The following PLPP1 variants were observed in gnomAD, a reference collection of about 807,000 sequenced individuals.
PLPP1 encodes phospholipid phosphatase 1.
A neutral mutation model predicts 31.2 loss-of-function variants in PLPP1; 24 were observed. The ratio of observed to expected loss-of-function variants is 0.77; its 90% CI spans 0.56 to 1.08. PLPP1 has a LOEUF of 1.08. Among genes scored for constraint, PLPP1 ranks in the 50% least tolerant of loss-of-function variants. The pLI is 0.00. For synonymous variants in PLPP1, 146 were observed against 126.3 expected (o/e 1.16, Z -1.05); for missense variants, 319 against 342.7 (o/e 0.93, Z 0.55).
intron 2 of PLPP1, 144 bp from the exon 3 acceptor site, chr5:55,468,293 T>C (rs1579944686): frequency 7.1e-6 from 5 of 701,966 alleles, no homozygotes; most frequent in Admixed American, 3.2e-5. Context: ...TTCTTTACAA[T>C]GGAGAGTCAA....
intron 1 of PLPP1, 60 bp from the exon 2 acceptor site, chr5:55,475,510 G>C: frequency 7.3e-6 from 10 of 1,370,574 alleles, no homozygotes; most frequent in Non-Finnish European, 9.9e-6. Flanking sequence ...CTAATTAATG[G>C]CAATAATTAT....
chr5:55,443,040 C>T (rs1751660930), intron 3 of PLPP1, among the ~76,000 whole-genome samples: 1 of 151,630 alleles, frequency 6.6e-6, no homozygotes, highest in African/African-American at 2.4e-5. Context: ...TTATTACACT[C>T]TGCCTTGTTC....
At chr5:55,446,929 T>G (rs750892760) in intron 3 of PLPP1, among the ~76,000 whole-genome samples, 1 of 152,224 alleles carries the variant, frequency 6.6e-6, no homozygotes, top group Non-Finnish European at 1.5e-5. Context: ...ACTCAGTGTC[T>G]ATGCCACCAG....
At chr5:55,426,093 T>C in intron 4 of PLPP1, 54 bp from the exon 5 acceptor site, 1 of 1,434,202 alleles carries the variant, frequency 7.0e-7, no homozygotes, top group Non-Finnish European at 9.4e-7. Context: ...CGCAAAACTT[T>C]TATATTAAGG....
intron 3 of PLPP1, among the ~76,000 whole-genome samples, chr5:55,443,190 A>ATATATATATATATATAT (rs1458750100): frequency 2.4e-4 from 5 of 20,426 alleles, no homozygotes; most frequent in East Asian, 8.4e-4. Context: ...AAAAAAAAAA[A>ATATATATATATATATAT]AAATATATAT....
Position 55,534,711 on chromosome 5 carries a change from C to T in PLPP1, c.-82G>A. On this transcript the variant is annotated 5_prime_UTR_variant, in exon 1 of 6. Coordinates refer to ENST00000307259, the MANE Select transcript of PLPP1 (RefSeq NM_003711.4). ...GAGGCCCTTGATTCTCGAGCCCGGG[C>T]CGGGGCTGGCGACGGCCCCGAGCTA... 1 of 1,414,474 alleles carries T rather than the reference C, an allele frequency of 7.1e-7. No homozygotes were observed. The highest frequency in any genetic ancestry group is 9.5e-7 in the Non-Finnish European group (1 of 1,053,548). The allele number at this position is 1,414,474 out of a possible 1,614,324, so 87.6% of individuals were successfully genotyped here.
chr5:55,530,885 G>A (rs1278363261), intron 1 of PLPP1, among the ~76,000 whole-genome samples: 1 of 152,226 alleles, frequency 6.6e-6, no homozygotes, highest in African/African-American at 2.4e-5. Context: ...GCGGGGGATG[G>A]GGGAACAAGG....
intron 1 of PLPP1, among the ~76,000 whole-genome samples, chr5:55,524,433 T>C (rs1018244428): frequency 6.6e-6 from 1 of 152,214 alleles, no homozygotes; most frequent in African/African-American, 2.4e-5. Flanking sequence ...CGGTTTTTCC[T>C]TGCTGCCTGT....
chr5:55,448,239 G>T (rs1751812624), intron 3 of PLPP1, among the ~76,000 whole-genome samples: 1 of 152,080 alleles, frequency 6.6e-6, no homozygotes, highest in Non-Finnish European at 1.5e-5. Flanking sequence ...TCACATCTAA[G>T]ATACTTAAGG....
chr5:55,522,356 T>G (rs956665071), intron 1 of PLPP1, among the ~76,000 whole-genome samples: 1 of 152,232 alleles, frequency 6.6e-6, no homozygotes. Context: ...GCTTAATAGT[T>G]ATTGGGAGTC....
At chr5:55,516,310 T>G (rs908952084) in intron 1 of PLPP1, among the ~76,000 whole-genome samples, 1 of 152,184 alleles carries the variant, frequency 6.6e-6, no homozygotes, top group African/African-American at 2.4e-5. Context: ...CATTATTTCT[T>G]AGCTCTAATC....
At chr5:55,514,386 T>C (rs1458800207) in intron 1 of PLPP1, among the ~76,000 whole-genome samples, 1 of 63,780 alleles carries the variant, frequency 1.6e-5, no homozygotes, top group Non-Finnish European at 4.7e-5. Context: ...GAAGACCTGG[T>C]CTCAAAAAAA....
Position 55,425,856 on chromosome 5 carries a change from T to C in PLPP1, c.726+7A>G. On this transcript the variant is annotated splice_region_variant and intron_variant, in intron 5 of 5. Transcript: ENST00000307259. ...TCAAGATGTAGGCTGTTGACCTGTA[T>C]ACTTACAACTAATATTGCAACCAGA... 2 of 1,593,362 alleles carry C rather than the reference T, an allele frequency of 1.3e-6. No homozygotes were observed. Among genetic ancestry groups the C allele is most frequent in the South Asian group, 2.3e-5 (2 of 86,870 alleles).
intron 3 of PLPP1, 136 bp from the exon 4 acceptor site, chr5:55,442,044 A>G (rs1751633070): frequency 2.6e-6 from 2 of 779,036 alleles, no homozygotes; most frequent in Non-Finnish European, 4.3e-6. Context: ...AGGGTACGGC[A>G]GGGGGACAAT....
chr5:55,516,375 T>C (rs1753555523), intron 1 of PLPP1, among the ~76,000 whole-genome samples: 1 of 150,748 alleles, frequency 6.6e-6, no homozygotes, highest in East Asian at 1.9e-4. Context: ...CTCATCCTCC[T>C]TTTTTTTAGA....
Position 55,534,701 on chromosome 5 carries a change from C to A in PLPP1, c.-72G>T. 1 of 1,455,442 alleles carries A rather than the reference C, an allele frequency of 6.9e-7. No homozygotes were observed. Among genetic ancestry groups the A allele is most frequent in the Non-Finnish European group, 9.2e-7 (1 of 1,086,286 alleles). The allele number at this position is 1,455,442 out of a possible 1,614,324, so 90.2% of individuals were successfully genotyped here. A position where few individuals can be genotyped will look rare whatever the true frequency, so the allele number is the denominator to read the frequency against. On this transcript the variant is annotated 5_prime_UTR_variant, in exon 1 of 6. Transcript: ENST00000307259. Reference sequence around the variant, plus strand: ...GACGGCGGCCGAGGCCCTTGATTCTCGAGCCCGGGCCGGGGCTGGCGACGG... The same window carrying A: ...GACGGCGGCCGAGGCCCTTGATTCTAGAGCCCGGGCCGGGGCTGGCGACGG...
intron 3 of PLPP1, among the ~76,000 whole-genome samples, chr5:55,457,139 G>A (rs1294490215): frequency 9.4e-5 from 14 of 148,482 alleles, no homozygotes; most frequent in Admixed American, 2.7e-4. Context: ...CAGGCTGGGC[G>A]ACAGAGTGAG....
chr5:55,534,158 T>C (rs1183233827), intron 1 of PLPP1, among the ~76,000 whole-genome samples: 2 of 152,156 alleles, frequency 1.3e-5, no homozygotes, highest in East Asian at 1.9e-4. Flanking sequence ...TCACGATAAA[T>C]CAGGCACTGG....
Position 55,530,383 on chromosome 5 carries a change from GCT to G in PLPP1, c.58+4187_58+4188del, listed in dbSNP as rs1401383742. ...TTACTGTTAGAGTGATCCAGTAAAC[GCT>G]CTCTGGTAAAATTTGATTCTTGACA... On this transcript the variant is annotated intron_variant, in intron 1 of 5. Transcript: ENST00000307259. 1.7e-5 allele frequency: 22 copies of G among 1,302,328 alleles called. No individual in the cohort carries two copies. In the African/African-American group the frequency reaches 2.9e-4, roughly 17 times the overall value. The allele number at this position is 1,302,328 out of a possible 1,614,324, so 80.7% of individuals were successfully genotyped here. A position where few individuals can be genotyped will look rare whatever the true frequency, so the allele number is the denominator to read the frequency against.
Sources: allele counts gnomAD v4.1 joint callset (sites outside exome capture counted in the v4.1 genomes callset), GRCh38; gene constraint gnomAD v4.1.1; transcripts MANE v1.5; gene names NCBI Gene and HGNC (gene_info 2026-07-23, HGNC 2026-07-21).